PIK3C2G: variants seen among roughly 807,000 people sequenced by gnomAD.
PIK3C2G encodes phosphatidylinositol 3-kinase C2 domain-containing subunit gamma.
In PIK3C2G, 168 loss-of-function variants were observed where a neutral mutation model predicts 181.1. That is an observed-to-expected ratio of 0.93 (90% CI 0.82 to 1.05). The LOEUF (loss-of-function observed/expected upper bound fraction) is 1.05. PIK3C2G is among the 50% of genes least tolerant of loss of function. PIK3C2G has a pLI of 0.00. For synonymous variants in PIK3C2G, 573 were observed against 592.2 expected (o/e 0.97, Z 0.47); for missense variants, 1,869 against 1,732.8 (o/e 1.08, Z -1.40).
chr12:18,245,244 A>G (rs1319411944), upstream of PIK3C2G, among the ~76,000 whole-genome samples: 1 of 152,044 alleles, frequency 6.6e-6, no homozygotes, highest in Non-Finnish European at 1.5e-5. Flanking sequence ...ACAACGTTCG[A>G]TCCTTCATGT....
the PIK3C2G span, among the ~76,000 whole-genome samples, chr12:18,659,667 T>TTTC: frequency 6.6e-6 from 1 of 150,952 alleles, no homozygotes; most frequent in Admixed American, 6.6e-5. Flanking sequence ...TCCATTCTTT[T>TTTC]TTTTTTTTTT....
chr12:18,680,987 G>A, the PIK3C2G span, among the ~76,000 whole-genome samples: 1 of 152,058 alleles, frequency 6.6e-6, no homozygotes, highest in Non-Finnish European at 1.5e-5. Flanking sequence ...ATAGGGGAGT[G>A]TGTAGCATTG....
rs529345384 is a variant in PIK3C2G, at chr12:18,394,106, A to G, written c.2126+2854A>G. Among the ~76,000 whole-genome samples the G allele has an allele frequency of 2.3e-4, 35 of 152,244 alleles. 1 individual carries two copies. In the South Asian group the frequency reaches 4.6e-3, roughly 20 times the overall value. ...AGCCACACAATGCTGGGAGACATAG[A>G]AATTCTGACCAATAAGAATGGAGAA... On this transcript the variant is annotated intron_variant, in intron 15 of 32. Transcript: ENST00000538779.
intron 12 of PIK3C2G, among the ~76,000 whole-genome samples, chr12:18,365,106 T>G (rs1592071924): frequency 1.3e-5 from 2 of 152,204 alleles, no homozygotes. Flanking sequence ...ACTTACTGAT[T>G]AACTTGGCCC....
upstream of PIK3C2G, among the ~76,000 whole-genome samples, chr12:18,258,821 G>A (rs1290624579): frequency 1.3e-5 from 2 of 151,950 alleles, no homozygotes; most frequent in Non-Finnish European, 2.9e-5. Flanking sequence ...GTTTATGCTA[G>A]ACATTAAATA....
chr12:18,274,111 T>A (rs1435466417), intron 1 of PIK3C2G, among the ~76,000 whole-genome samples: 1 of 152,072 alleles, frequency 6.6e-6, no homozygotes, highest in Non-Finnish European at 1.5e-5. Context: ...AGATACCACC[T>A]CACACCAGTT....
chr12:18,325,449 C>T (rs1951295854), intron 8 of PIK3C2G, among the ~76,000 whole-genome samples: 1 of 152,110 alleles, frequency 6.6e-6, no homozygotes, highest in South Asian at 2.1e-4. Flanking sequence ...CAAAGAACAA[C>T]ATGAACAGAG....
At chr12:18,296,075 A>C (rs1949926610) in intron 5 of PIK3C2G, among the ~76,000 whole-genome samples, 1 of 152,152 alleles carries the variant, frequency 6.6e-6, no homozygotes. Flanking sequence ...ATTTTCTGAT[A>C]ATACTTCAAA....
intron 7 of PIK3C2G, among the ~76,000 whole-genome samples, chr12:18,321,391 T>C (rs56296044): frequency 0.013 from 2,007 of 152,330 alleles, 50 homozygotes; most frequent in African/African-American, 0.046. Context: ...CATCTCCTAC[T>C]TGTTTCTGAA....
At chr12:18,310,129 G>C (rs528797920) in intron 5 of PIK3C2G, among the ~76,000 whole-genome samples, 2 of 151,934 alleles carry the variant, frequency 1.3e-5, no homozygotes, top group South Asian at 4.1e-4. Flanking sequence ...AAACAACTTA[G>C]ACTAGAAAAA....
intron 31 of PIK3C2G, among the ~76,000 whole-genome samples, chr12:18,622,747 A>G (rs953711500): frequency 2.6e-5 from 4 of 151,830 alleles, no homozygotes. Context: ...TAGCTATTCT[A>G]ACAGGTGTAA....
At chr12:18,421,067 G>A in intron 17 of PIK3C2G, 33 bp downstream of exon 17, 1 of 1,134,994 alleles carries the variant, frequency 8.8e-7, no homozygotes, top group South Asian at 1.2e-5. Context: ...GGAAACCCAG[G>A]GTTTTAACTA....
chr12:18,607,123 G>A (rs1948070809), intron 30 of PIK3C2G: 12 of 514,854 alleles, frequency 2.3e-5, no homozygotes, highest in South Asian at 1.7e-4. Flanking sequence ...TGCTAGGAGA[G>A]TTCAGGGAAA....
intron 16 of PIK3C2G, among the ~76,000 whole-genome samples, chr12:18,402,846 A>C (rs2138148562): frequency 6.6e-6 from 1 of 152,248 alleles, no homozygotes; most frequent in Middle Eastern, 3.4e-3. Context: ...GTGTCCAGAT[A>C]AAATTTTTAC....
chr12:18,485,489 G>A (rs549380261), intron 18 of PIK3C2G, among the ~76,000 whole-genome samples: 13 of 152,054 alleles, frequency 8.5e-5, no homozygotes, highest in South Asian at 2.1e-4. Flanking sequence ...CTTCCTTACC[G>A]CCTACCAAAC....
In PIK3C2G at chr12:18,316,775, G is replaced by A. The variant is rs569573629; in HGVS notation, c.1137+2711G>A. The stretch of plus-strand genomic sequence containing the variant: ...AAAATAATGGATAATACACCTGATG[G>A]CAAATGTATTTGTATATTTGTATAT... On this transcript the variant is annotated intron_variant, in intron 6 of 32. Coordinates refer to ENST00000538779, the MANE Select transcript of PIK3C2G (RefSeq NM_001288772.2). Among the ~76,000 whole-genome samples the A allele has an allele frequency of 2.0e-5, 3 of 151,944 alleles. No individual in the cohort carries two copies. The East Asian group carries it at 5.8e-4, about 29-fold the overall frequency.
At chr12:18,373,160 G>A (rs1041948249) in intron 13 of PIK3C2G, among the ~76,000 whole-genome samples, 4 of 152,178 alleles carry the variant, frequency 2.6e-5, no homozygotes, top group Admixed American at 6.5e-5. Context: ...CACTTTGTTC[G>A]TTGCTTCAAG....
Position 18,541,268 on chromosome 12 carries a change from G to C in PIK3C2G, c.3480+2956G>C, listed in dbSNP as rs1024834739. 2.6e-5 allele frequency among the ~76,000 whole-genome samples: 4 copies of C among 152,016 alleles called. No homozygotes were observed. The East Asian group carries it at 7.8e-4, about 30-fold the overall frequency. ...GCTCATCCTTAGTAAAGAGCAGCAT[G>C]TCTCCAGATATCCATATTGCTTTTT... On this transcript the variant is annotated intron_variant, in intron 25 of 32. Transcript: ENST00000538779.
intron 28 of PIK3C2G, among the ~76,000 whole-genome samples, chr12:18,566,303 A>T (rs1945629484): frequency 1.3e-5 from 2 of 152,200 alleles, no homozygotes; most frequent in Non-Finnish European, 2.9e-5. Flanking sequence ...TTGGAGTCAG[A>T]GGAGGCTGCT....
Sources: allele counts gnomAD v4.1 joint callset (sites outside exome capture counted in the v4.1 genomes callset), GRCh38; gene constraint gnomAD v4.1.1; transcripts MANE v1.5; gene names NCBI Gene and HGNC (gene_info 2026-07-23, HGNC 2026-07-21).